Variants in DUSP13A observed in about 807,000 individuals in gnomAD.
DUSP13A encodes dual specificity protein phosphatase 13A.
the DUSP13A span, chr10:75,105,964 G>A: frequency 2.6e-4 from 301 of 1,166,514 alleles, 5 homozygotes; most frequent in South Asian, 4.1e-3. Flanking sequence ...CCCTGCCTTG[G>A]GTGCACTCTG....
chr10:75,108,683 G>C, the DUSP13A span, among the ~76,000 whole-genome samples: 5 of 152,184 alleles, frequency 3.3e-5, no homozygotes, highest in African/African-American at 7.2e-5. Flanking sequence ...CAGAAACAGG[G>C]GGCTCTCTGT....
the DUSP13A span, among the ~76,000 whole-genome samples, chr10:75,107,011 G>A: frequency 3.6e-3 from 552 of 152,316 alleles, 1 homozygote; most frequent in Middle Eastern, 0.01. Flanking sequence ...TGTATCCTGA[G>A]TATTTGAAGA....
the DUSP13A span, among the ~76,000 whole-genome samples, chr10:75,107,825 C>T: frequency 6.6e-6 from 1 of 152,186 alleles, no homozygotes. Context: ...GATCCACCCA[C>T]CTCGGCCTCC....
the DUSP13A span, among the ~76,000 whole-genome samples, chr10:75,107,205 G>A: frequency 6.6e-6 from 1 of 152,072 alleles, no homozygotes; most frequent in Non-Finnish European, 1.5e-5. Flanking sequence ...TATGGTGGCG[G>A]ATGCCTGTAG....
chr10:75,106,547 C>T, the DUSP13A span, among the ~76,000 whole-genome samples: 1 of 152,162 alleles, frequency 6.6e-6, no homozygotes, highest in Non-Finnish European at 1.5e-5. Flanking sequence ...TGCATATTAC[C>T]CATGGATACC....
chr10:75,105,814 A>C, the DUSP13A span: 1 of 1,551,012 alleles, frequency 6.4e-7, no homozygotes, highest in Non-Finnish European at 8.7e-7. Context: ...GAGGTAGGCC[A>C]GGACCAGCGT....
the DUSP13A span, chr10:75,107,942 C>T: frequency 6.5e-7 from 1 of 1,546,134 alleles, no homozygotes; most frequent in Non-Finnish European, 8.8e-7. Flanking sequence ...ATGAGGCATC[C>T]TCCCCATGAA....
the DUSP13A span, chr10:75,105,797 G>A: frequency 1.9e-6 from 3 of 1,550,844 alleles, no homozygotes; most frequent in East Asian, 4.9e-5. Flanking sequence ...AGCCGCTGGT[G>A]CAGCATGAGG....
At chr10:75,109,126 C>T in the DUSP13A span, 15 of 1,606,080 alleles carry the variant, frequency 9.3e-6, no homozygotes, top group East Asian at 2.3e-5. Flanking sequence ...TTTGTCCTCT[C>T]CCCCCAGCTC....
the DUSP13A span, chr10:75,105,769 A>G: frequency 6.4e-7 from 1 of 1,552,034 alleles, no homozygotes; most frequent in Non-Finnish European, 8.7e-7. Context: ...CACGGTGATC[A>G]CCGCCTGGCG....
the DUSP13A span, chr10:75,109,035 A>G: frequency 6.2e-7 from 1 of 1,610,810 alleles, no homozygotes; most frequent in Non-Finnish European, 8.5e-7. Context: ...GGTTGGGCCA[A>G]ACTTCGTCCA....
chr10:75,105,688 C>T, the DUSP13A span: 12 of 1,549,658 alleles, frequency 7.7e-6, no homozygotes, highest in East Asian at 4.9e-5. Context: ...GCCGGCACCC[C>T]GCAGTTGCTG....
the DUSP13A span, chr10:75,105,711 G>C: frequency 6.4e-7 from 1 of 1,553,010 alleles, no homozygotes; most frequent in East Asian, 2.4e-5. Context: ...CCAGCCTGCA[G>C]AGCTGGTGCA....
the DUSP13A span, chr10:75,107,874 G>C: frequency 8.0e-7 from 1 of 1,250,548 alleles, no homozygotes; most frequent in Middle Eastern, 2.7e-4. Context: ...ACCACACACG[G>C]CCTAAGCAGA....
At chr10:75,108,029 C>T in the DUSP13A span, 77 of 1,613,448 alleles carry the variant, frequency 4.8e-5, no homozygotes, top group Admixed American at 3.5e-4. Context: ...TGAAGTCAGC[C>T]GCAGAGGAGA....
the DUSP13A span, chr10:75,108,107 G>A: frequency 2.5e-5 from 40 of 1,613,722 alleles, no homozygotes; most frequent in Middle Eastern, 1.7e-4. Context: ...CACTGCTGCC[G>A]TAGAAGTCAG....
the DUSP13A span, chr10:75,108,070 C>T: frequency 2.4e-5 from 38 of 1,613,724 alleles, 1 homozygote; most frequent in African/African-American, 2.4e-4. Context: ...TCAGGGAGGT[C>T]GTGGGCTGGC....
the DUSP13A span, chr10:75,108,197 G>C: frequency 6.2e-7 from 1 of 1,604,844 alleles, no homozygotes; most frequent in Non-Finnish European, 8.5e-7. Context: ...CAAAGCGGTT[G>C]TTTGCCGTGG....
At chr10:75,105,683 C>T in the DUSP13A span, 2 of 1,549,308 alleles carry the variant, frequency 1.3e-6, no homozygotes, top group East Asian at 4.9e-5. Context: ...CTCTGGCCGG[C>T]ACCCCGCAGT....
Sources: allele counts gnomAD v4.1 joint callset (sites outside exome capture counted in the v4.1 genomes callset), GRCh38; gene constraint gnomAD v4.1.1; transcripts MANE v1.5; gene names NCBI Gene and HGNC (gene_info 2026-07-23, HGNC 2026-07-21).